ADAM9: variants seen among roughly 807,000 people sequenced by gnomAD.
ADAM9 encodes disintegrin and metalloproteinase domain-containing protein 9.
A neutral mutation model predicts 108.1 loss-of-function variants in ADAM9; 54 were observed. That is an observed-to-expected ratio of 0.50 (90% CI 0.40 to 0.63). The LOEUF is 0.63. Ranked by LOEUF, ADAM9 falls within the 20% of genes least tolerant of loss-of-function variation. The pLI is 0.00. For missense variants in ADAM9, 830 were observed against 997.7 expected, an observed-to-expected ratio of 0.83 and a Z score of 2.26; for synonymous variants, 316 against 336.0, an observed-to-expected ratio of 0.94 and a Z score of 0.65.
In ADAM9 at chr8:39,040,752, G is replaced by A. The variant is rs190383752; in HGVS notation, c.1131-1194G>A. Among the ~76,000 whole-genome samples, 11 of 152,242 alleles carry A rather than the reference G, an allele frequency of 7.2e-5. No individual in the cohort carries two copies. The East Asian group carries it at 9.7e-4, about 13-fold the overall frequency. The stretch of plus-strand genomic sequence containing the variant: ...ATGGTAGTGGTATAAAAACAGACAC[G>A]TAGACCGATGGAACGGAATAGAGAG... On this transcript the variant is annotated intron_variant, in intron 11 of 21. Coordinates refer to ENST00000487273, the MANE Select transcript of ADAM9 (RefSeq NM_003816.3).
intron 14 of ADAM9, among the ~76,000 whole-genome samples, chr8:39,059,083 T>C (rs1254135212): frequency 6.6e-6 from 1 of 152,246 alleles, no homozygotes; most frequent in Non-Finnish European, 1.5e-5. Flanking sequence ...GTGAATTCCA[T>C]GTGCATGGGC....
intron 1 of ADAM9, among the ~76,000 whole-genome samples, chr8:39,006,210 G>A (rs947204873): frequency 1.3e-5 from 2 of 152,190 alleles, no homozygotes; most frequent in Non-Finnish European, 2.9e-5. Flanking sequence ...AAAATAACCA[G>A]TTTCTCCAGT....
rs1056021266 is a variant in ADAM9 at position 39,055,600 on chromosome 8, C to T, written c.1419C>T (p.Cys473=). 2 of 1,613,644 alleles carry T rather than the reference C, an allele frequency of 1.2e-6. No individual in the cohort carries two copies. Among genetic ancestry groups the T allele is most frequent in the Non-Finnish European group, 1.7e-6 (2 of 1,179,662 alleles). Residue 473 remains cysteine, a synonymous_variant, in exon 14 of 22, where the codon TGC becomes TGT. Transcript: ENST00000487273. The stretch of plus-strand genomic sequence containing the variant: ...AGTTCCTTCCAGGAGGTACTTTATG[C>T]CGAGGAAAAACCAGTGAGTGTGATG... The part of the protein sequence containing the change: ...DCRFLPGGTL[C]RGKTSECDVP...
chr8:39,052,757 G>T (rs1294545901), intron 12 of ADAM9, among the ~76,000 whole-genome samples: 1 of 151,976 alleles, frequency 6.6e-6, no homozygotes, highest in Non-Finnish European at 1.5e-5. Flanking sequence ...ATTCTTTCAT[G>T]AAGCCAACTG....
At position 38,997,060 on chromosome 8, in the gene ADAM9, C is replaced by T. The variant is rs114558710; in HGVS notation, c.-4C>T. 247 of 1,606,790 alleles carry T rather than the reference C, an allele frequency of 1.5e-4. No homozygotes were observed. In the African/African-American group the frequency reaches 2.9e-3, roughly 19 times the overall value. On this transcript the variant is annotated 5_prime_UTR_variant, in exon 1 of 22. Coordinates refer to ENST00000487273, the MANE Select transcript of ADAM9 (RefSeq NM_003816.3). ...GCTGAGAGGAACCTGCGGAATCGGCCGAGATGGGGTCTGGCGCGCGCTTTC... is the reference window on the plus strand; with the variant it reads ...GCTGAGAGGAACCTGCGGAATCGGCTGAGATGGGGTCTGGCGCGCGCTTTC...
chr8:39,027,315 C>G (rs2129434498), intron 11 of ADAM9, among the ~76,000 whole-genome samples: 1 of 152,280 alleles, frequency 6.6e-6, no homozygotes, highest in African/African-American at 2.4e-5. Context: ...TTTCTATTAA[C>G]AAACCCTGTT....
At chr8:39,034,140 A>G (rs999456686) in intron 11 of ADAM9, among the ~76,000 whole-genome samples, 1 of 152,046 alleles carries the variant, frequency 6.6e-6, no homozygotes, top group Non-Finnish European at 1.5e-5. Context: ...CAATCCTCCC[A>G]CCTTAGCCTC....
intron 20 of ADAM9, among the ~76,000 whole-genome samples, chr8:39,100,708 G>A (rs911819156): frequency 6.6e-6 from 1 of 152,094 alleles, no homozygotes; most frequent in Non-Finnish European, 1.5e-5. Context: ...CCTGTTCTAT[G>A]GTAGAAGCCA....
intron 1 of ADAM9, among the ~76,000 whole-genome samples, chr8:38,999,547 A>AT (rs543976420): frequency 7.7e-4 from 117 of 152,322 alleles, no homozygotes; most frequent in African/African-American, 2.7e-3. Context: ...ACTTAGGTCC[A>AT]TACTAATCTC....
intron 11 of ADAM9, among the ~76,000 whole-genome samples, chr8:39,033,320 A>G (rs1403562380): frequency 1.3e-5 from 2 of 152,032 alleles, no homozygotes; most frequent in African/African-American, 4.8e-5. Flanking sequence ...GTCTTTTTCA[A>G]TTCTTTTTGA....
At chr8:39,040,176 A>G (rs1837415149) in intron 11 of ADAM9, among the ~76,000 whole-genome samples, 1 of 152,044 alleles carries the variant, frequency 6.6e-6, no homozygotes, top group Non-Finnish European at 1.5e-5. Context: ...CAGCCTCCCA[A>G]GTAGCTGAGA....
intron 20 of ADAM9, among the ~76,000 whole-genome samples, chr8:39,100,521 C>A (rs1303803242): frequency 6.6e-6 from 1 of 151,824 alleles, no homozygotes; most frequent in African/African-American, 2.4e-5. Flanking sequence ...TTCAGTGAAG[C>A]TAATTCCCAT....
chr8:39,021,527 A>C, intron 7 of ADAM9, 116 bp from the exon 8 acceptor site: 1 of 871,400 alleles, frequency 1.1e-6, no homozygotes, highest in Non-Finnish European at 1.9e-6. Context: ...CAGGTGATCT[A>C]CCCGCCTGGG....
chr8:39,086,912 A>G (rs554000849), intron 18 of ADAM9, among the ~76,000 whole-genome samples: 1 of 152,290 alleles, frequency 6.6e-6, no homozygotes, highest in South Asian at 2.1e-4. Flanking sequence ...GAGATTTCCC[A>G]CTGAATTATA....
intron 1 of ADAM9, among the ~76,000 whole-genome samples, chr8:39,007,366 T>C (rs890100540): frequency 6.6e-6 from 1 of 152,170 alleles, no homozygotes; most frequent in Non-Finnish European, 1.5e-5. Context: ...ACACTGGGGG[T>C]TAAATTTCAG....
intron 12 of ADAM9, 36 bp from the exon 13 acceptor site, chr8:39,054,441 ATTAC>A: frequency 6.5e-7 from 1 of 1,543,618 alleles, no homozygotes; most frequent in African/African-American, 1.4e-5. Flanking sequence ...ATTCATGTCA[ATTAC>A]TAATTTCTTT....
At chr8:39,065,113 A>G (rs140505262) in intron 14 of ADAM9, among the ~76,000 whole-genome samples, 122 of 149,628 alleles carry the variant, frequency 8.2e-4, no homozygotes, top group African/African-American at 2.8e-3. Flanking sequence ...CTTTTCCTGG[A>G]TCACATATTA....
intron 14 of ADAM9, among the ~76,000 whole-genome samples, chr8:39,061,421 A>G (rs956923298): frequency 1.8e-4 from 27 of 152,310 alleles, no homozygotes; most frequent in African/African-American, 6.0e-4. Context: ...CCTGACCTTC[A>G]TAAGCCCCTA....
At chr8:39,095,248 C>CGTATATATG (rs1839466878) in intron 20 of ADAM9, among the ~76,000 whole-genome samples, 3 of 152,070 alleles carry the variant, frequency 2.0e-5, no homozygotes, top group Non-Finnish European at 2.9e-5. Flanking sequence ...AAAGTTGGCC[C>CGTATATATG]TCTGTATATG....
Sources: allele counts gnomAD v4.1 joint callset (sites outside exome capture counted in the v4.1 genomes callset), GRCh38; gene constraint gnomAD v4.1.1; transcripts MANE v1.5; gene names NCBI Gene and HGNC (gene_info 2026-07-23, HGNC 2026-07-21).